Variants in GGTA1 observed in about 807,000 individuals in gnomAD.
GGTA1 encodes glycoprotein alpha-galactosyltransferase 1 (inactive).
A neutral mutation model predicts 2.6 loss-of-function variants in GGTA1; 5 were observed. That is an observed-to-expected ratio of 1.92 (90% CI 1.00 to 4.04). GGTA1 has a LOEUF of 4.04. Ranked by LOEUF, GGTA1 falls within the 30% of genes most tolerant of loss-of-function variation. GGTA1 has a pLI of 0.00. For missense variants in GGTA1, 50 were observed against 16.7 expected (o/e 2.99, Z -3.47); for synonymous variants, 17 against 5.0 (o/e 3.38, Z -3.19).
intron 1 of GGTA1, among the ~76,000 whole-genome samples, chr9:121,482,995 T>A (rs182377483): frequency 2.0e-5 from 3 of 152,224 alleles, no homozygotes; most frequent in Non-Finnish European, 4.4e-5. Context: ...TTCATGGACC[T>A]ATGTATGGTC....
At chr9:121,483,831 G>A (rs1397449159) in intron 1 of GGTA1, among the ~76,000 whole-genome samples, 1 of 152,230 alleles carries the variant, frequency 6.6e-6, no homozygotes, top group Non-Finnish European at 1.5e-5. Context: ...TACCTCTGTG[G>A]AGGTGTGAGG....
intron 7 of GGTA1, among the ~76,000 whole-genome samples, chr9:121,448,107 G>A (rs538105370): frequency 5.9e-5 from 9 of 152,308 alleles, no homozygotes; most frequent in African/African-American, 1.9e-4. Context: ...GCAGATATAA[G>A]CCACATTCTC....
chr9:121,469,820 G>A (rs1335912680), intron 1 of GGTA1, among the ~76,000 whole-genome samples: 3 of 152,160 alleles, frequency 2.0e-5, no homozygotes, highest in South Asian at 2.1e-4. Flanking sequence ...CACCCCAGGA[G>A]GCAATATGAC....
chr9:121,496,089 A>T (rs1828986803), intron 1 of GGTA1, among the ~76,000 whole-genome samples: 1 of 152,176 alleles, frequency 6.6e-6, no homozygotes, highest in Non-Finnish European at 1.5e-5. Context: ...TTCTCTGTTG[A>T]TTCCCCATTG....
chr9:121,477,367 G>C (rs1828532468), intron 1 of GGTA1, among the ~76,000 whole-genome samples: 1 of 152,192 alleles, frequency 6.6e-6, no homozygotes, highest in African/African-American at 2.4e-5. Flanking sequence ...GGCAGTCAAA[G>C]AGTATGTAGC....
At chr9:121,465,231 G>A (rs2064996731) in intron 2 of GGTA1, among the ~76,000 whole-genome samples, 3 of 152,186 alleles carry the variant, frequency 2.0e-5, no homozygotes, top group Admixed American at 2.0e-4. Context: ...ATACAACTCT[G>A]GCTACAATTC....
chr9:121,493,346 C>T (rs1287212070), intron 1 of GGTA1, among the ~76,000 whole-genome samples: 1 of 152,128 alleles, frequency 6.6e-6, no homozygotes, highest in Non-Finnish European at 1.5e-5. Flanking sequence ...CTCCAAGCCA[C>T]CCTATGTTTG....
At chr9:121,497,128 G>T (rs975839030) in intron 1 of GGTA1, among the ~76,000 whole-genome samples, 3 of 152,118 alleles carry the variant, frequency 2.0e-5, no homozygotes, top group African/African-American at 7.2e-5. Flanking sequence ...GGGAGGTGGA[G>T]GTTGCAGTGA....
intron 2 of GGTA1, among the ~76,000 whole-genome samples, chr9:121,465,486 C>A (rs539646496): frequency 2.7e-4 from 41 of 152,308 alleles, no homozygotes; most frequent in African/African-American, 8.7e-4. Flanking sequence ...AGGCCCTGCC[C>A]TCAGTGCGAT....
intron 3 of GGTA1, chr9:121,462,891 T>C (rs900350917): frequency 1.3e-5 from 2 of 154,512 alleles, no homozygotes. Context: ...AAAAAGAAAA[T>C]TTTAATGATA....
intron 4 of GGTA1, 120 bp from the exon 5 acceptor site, chr9:121,460,339 T>A: frequency 2.5e-6 from 1 of 395,038 alleles, no homozygotes; most frequent in Non-Finnish European, 5.0e-6. Flanking sequence ...CTAAGTGAAC[T>A]GACCAGAAAA....
intron 1 of GGTA1, among the ~76,000 whole-genome samples, chr9:121,478,589 C>A (rs1209932323): frequency 3.9e-5 from 6 of 152,132 alleles, no homozygotes; most frequent in African/African-American, 9.7e-5. Context: ...TTCCACGATA[C>A]AATTCACGGG....
At chr9:121,468,587 A>G (rs1399663542) in intron 1 of GGTA1, among the ~76,000 whole-genome samples, 1 of 152,236 alleles carries the variant, frequency 6.6e-6, no homozygotes, top group Non-Finnish European at 1.5e-5. Flanking sequence ...TCCCTGAGGA[A>G]TCGCCACACT....
At chr9:121,492,973 G>C (rs755238535) in intron 1 of GGTA1, among the ~76,000 whole-genome samples, 13 of 151,778 alleles carry the variant, frequency 8.6e-5, no homozygotes, top group Non-Finnish European at 1.6e-4. Flanking sequence ...GGGAAACCCC[G>C]TCTCTACTAA....
chr9:121,465,721 T>A (rs1407010971), intron 2 of GGTA1, among the ~76,000 whole-genome samples: 1 of 152,096 alleles, frequency 6.6e-6, no homozygotes, highest in Non-Finnish European at 1.5e-5. Flanking sequence ...AGAATTAAAT[T>A]CCTGTTGCTT....
intron 2 of GGTA1, among the ~76,000 whole-genome samples, chr9:121,467,499 T>C (rs947749449): frequency 1.3e-5 from 2 of 152,248 alleles, no homozygotes; most frequent in Non-Finnish European, 2.9e-5. Flanking sequence ...GGAATTCCTG[T>C]CTGAAATTTC....
intron 1 of GGTA1, among the ~76,000 whole-genome samples, chr9:121,496,603 G>T (rs1288640728): frequency 6.7e-6 from 1 of 149,098 alleles, no homozygotes. Flanking sequence ...GTGGTGGCAG[G>T]TGCCTGTAAT....
At chr9:121,447,257 T>G (rs544920408) in exon 8 of GGTA1, 4 of 152,648 alleles carry the variant, frequency 2.6e-5, no homozygotes, top group Admixed American at 2.0e-4. Flanking sequence ...GGGATCTGCC[T>G]TGTACCGCCA....
At chr9:121,483,980 T>G (rs1284588741) in intron 1 of GGTA1, among the ~76,000 whole-genome samples, 1 of 152,190 alleles carries the variant, frequency 6.6e-6, no homozygotes, top group Non-Finnish European at 1.5e-5. Flanking sequence ...TTTGGTTGGC[T>G]TCCTGATCTG....
Sources: allele counts gnomAD v4.1 joint callset (sites outside exome capture counted in the v4.1 genomes callset), GRCh38; gene constraint gnomAD v4.1.1; transcripts MANE v1.5; gene names NCBI Gene and HGNC (gene_info 2026-07-23, HGNC 2026-07-21).